The following SLCO1A2 variants were observed in gnomAD, a reference collection of about 807,000 sequenced individuals.
SLCO1A2 encodes the protein solute carrier organic anion transporter family member 1A2, also known as OATP-1.
SLCO1A2 carries 67 observed loss-of-function variants against 69.0 expected under a neutral mutation model. That is an observed-to-expected ratio of 0.97 (90% CI 0.80 to 1.19). The LOEUF (loss-of-function observed/expected upper bound fraction) is 1.19, where lower values mean the gene tolerates loss of function less well. Ranked by LOEUF, SLCO1A2 falls within the 50% of genes most tolerant of loss-of-function variation. The probability of loss-of-function intolerance (pLI) is 0.00; values close to 1 mark genes in which losing one functional copy is unlikely to be tolerated. For missense variants in SLCO1A2, 787 were observed against 793.7 expected, an observed-to-expected ratio of 0.99 and a Z score of 0.10; for synonymous variants, 260 against 265.9, an observed-to-expected ratio of 0.98 and a Z score of 0.22.
intron 14 of SLCO1A2, among the ~76,000 whole-genome samples, chr12:21,271,677 C>A (rs953968965): frequency 2.5e-5 from 3 of 119,296 alleles, no homozygotes; most frequent in Middle Eastern, 5.2e-3. Flanking sequence ...ACATATATAC[C>A]TATGTGTATA....
intron 2 of SLCO1A2, among the ~76,000 whole-genome samples, chr12:21,368,383 T>C (rs1939542366): frequency 6.6e-6 from 1 of 151,954 alleles, no homozygotes; most frequent in East Asian, 1.9e-4. Context: ...ATGTGAAAAA[T>C]AACGGACAGA....
chr12:21,300,323 T>C, intron 8 of SLCO1A2, 25 bp downstream of exon 8: 1 of 1,487,820 alleles, frequency 6.7e-7, no homozygotes, highest in Non-Finnish European at 9.3e-7. Flanking sequence ...GTCAATTTCA[T>C]AGTATTTAGA....
At chr12:21,393,647 T>C (rs973498102) in intron 1 of SLCO1A2, among the ~76,000 whole-genome samples, 1 of 152,180 alleles carries the variant, frequency 6.6e-6, no homozygotes, top group African/African-American at 2.4e-5. Context: ...AATCTACTTG[T>C]AGCTTCAAAA....
intron 2 of SLCO1A2, among the ~76,000 whole-genome samples, chr12:21,367,295 A>G (rs1939459359): frequency 6.6e-6 from 1 of 152,186 alleles, no homozygotes; most frequent in Non-Finnish European, 1.5e-5. Flanking sequence ...TATATGTTCC[A>G]TCAAAATAAG....
intron 2 of SLCO1A2, among the ~76,000 whole-genome samples, chr12:21,327,352 C>A (rs927236709): frequency 6.6e-6 from 1 of 152,172 alleles, no homozygotes; most frequent in Non-Finnish European, 1.5e-5. Context: ...AGCCCCCACA[C>A]AGAGTCTCCA....
chr12:21,394,637 AGC>A (rs1441063297), intron 1 of SLCO1A2, among the ~76,000 whole-genome samples: 1 of 152,148 alleles, frequency 6.6e-6, no homozygotes, highest in African/African-American at 2.4e-5. Flanking sequence ...CTGCAGTTAG[AGC>A]AAGCTATTCC....
upstream of SLCO1A2, among the ~76,000 whole-genome samples, chr12:21,336,550 C>A (rs1393782274): frequency 1.3e-5 from 2 of 151,950 alleles, no homozygotes; most frequent in Non-Finnish European, 2.9e-5. Context: ...ATTAAATTAA[C>A]CCTAAACTTT....
At chr12:21,271,823 G>A (rs1256314278) in intron 14 of SLCO1A2, among the ~76,000 whole-genome samples, 1 of 146,808 alleles carries the variant, frequency 6.8e-6, no homozygotes, top group African/African-American at 2.5e-5. Flanking sequence ...GTACTTATAT[G>A]TATATATTAT....
chr12:21,314,609 C>T lies in SLCO1A2; in HGVS notation c.275G>A (p.Gly92Glu), dbSNP rs372493461. Residue 92 changes from glycine to glutamate, a missense_variant, in exon 4 of 15, where the codon GGA becomes GAA. Gly to Glu is a moderately conservative substitution (Grantham distance 98). Transcript: ENST00000683939. ...ACAGCCTAAGCCCATAACCACACAT[C>T]CAATGCCAATCATTATAGGTCTATG... is the stretch of plus-strand genomic sequence containing the variant. ...KLHRPIMIGIGCVVMGLGCFL... is the reference protein window; with the variant it reads ...KLHRPIMIGIECVVMGLGCFL... The T allele has an allele frequency of 2.5e-6, 4 of 1,613,866 alleles. No individual in the cohort carries two copies. The highest frequency in any genetic ancestry group is 3.4e-6 in the Non-Finnish European group (4 of 1,179,784).
intron 1 of SLCO1A2, among the ~76,000 whole-genome samples, chr12:21,416,089 CT>C (rs1251562381): frequency 2.6e-5 from 4 of 151,904 alleles, no homozygotes; most frequent in South Asian, 4.2e-4. Flanking sequence ...TATACTTTTT[CT>C]TTTTTATTAT....
chr12:21,410,631 T>C (rs115239199), intron 1 of SLCO1A2, among the ~76,000 whole-genome samples: 1,749 of 152,266 alleles, frequency 0.011, 36 homozygotes, highest in African/African-American at 0.041. Context: ...GCCTGTGAAA[T>C]GGTGCATCAA....
At chr12:21,288,457 A>G (rs1035862781) in intron 12 of SLCO1A2, among the ~76,000 whole-genome samples, 2 of 152,100 alleles carry the variant, frequency 1.3e-5, no homozygotes, top group African/African-American at 2.4e-5. Flanking sequence ...AAAAGAAAAA[A>G]TGAAAGCAAT....
intron 1 of SLCO1A2, among the ~76,000 whole-genome samples, chr12:21,415,478 T>C (rs1941974829): frequency 6.6e-6 from 1 of 152,148 alleles, no homozygotes; most frequent in African/African-American, 2.4e-5. Flanking sequence ...AGCTTTTGTG[T>C]GGCAAACCTG....
At chr12:21,339,500 A>G (rs1005472252), upstream of SLCO1A2, among the ~76,000 whole-genome samples, 1 of 151,998 alleles carries the variant, frequency 6.6e-6, no homozygotes, top group Non-Finnish European at 1.5e-5. Flanking sequence ...TAATATTTCT[A>G]CAAAATGAAG....
intron 2 of SLCO1A2, among the ~76,000 whole-genome samples, chr12:21,329,383 G>T (rs1036308106): frequency 1.3e-5 from 2 of 152,026 alleles, no homozygotes; most frequent in Admixed American, 1.3e-4. Flanking sequence ...GGAGTCTAGT[G>T]GCTTGAGCTG....
intron 8 of SLCO1A2, among the ~76,000 whole-genome samples, chr12:21,299,764 A>ATGTG (rs1491230154): frequency 4.7e-4 from 61 of 128,876 alleles, no homozygotes; most frequent in Admixed American, 2.8e-3. Context: ...CCATATATAT[A>ATGTG]CGTGTGTATA....
At chr12:21,289,235 C>T (rs1423922791) in intron 12 of SLCO1A2, among the ~76,000 whole-genome samples, 1 of 143,784 alleles carries the variant, frequency 7.0e-6, no homozygotes, top group Non-Finnish European at 1.5e-5. Context: ...TATGGCATCA[C>T]TAGAAATATA....
In SLCO1A2 at chr12:21,269,711, AAG is replaced by A; in HGVS notation, c.1848_1849del (p.Leu617AsnfsTer14). The A allele has an allele frequency of 6.2e-7, 1 of 1,612,676 alleles. No homozygotes were observed. Among genetic ancestry groups the A allele is most frequent in the Non-Finnish European group, 8.5e-7 (1 of 1,179,006 alleles). On this transcript the variant is annotated frameshift_variant, in exon 15 of 15. Coordinates refer to ENST00000683939, the MANE Select transcript of SLCO1A2 (RefSeq NM_001386879.1). LOFTEE classifies it low-confidence loss of function (END_TRUNC). ...CTTCCTCAAAAGAATTAAGATGATT[AAG>A]GCTGGAACAAAGCTTGATCCTCTTA...
chr12:21,321,771 T>C (rs1034061494), intron 2 of SLCO1A2, among the ~76,000 whole-genome samples: 12 of 152,210 alleles, frequency 7.9e-5, no homozygotes, highest in African/African-American at 2.7e-4. Context: ...ATTACTTCCA[T>C]TGTGAGGCCT....
Sources: allele counts gnomAD v4.1 joint callset (sites outside exome capture counted in the v4.1 genomes callset), GRCh38; gene constraint gnomAD v4.1.1; transcripts MANE v1.5; gene names NCBI Gene and HGNC (gene_info 2026-07-23, HGNC 2026-07-21).